PNPLA3: variants seen among roughly 807,000 people sequenced by gnomAD.
PNPLA3 encodes the protein patatin like domain 3, 1-acylglycerol-3-phosphate O-acyltransferase.
A neutral mutation model predicts 43.1 loss-of-function variants in PNPLA3; 42 were observed. The observed-to-expected ratio is 0.97, with a 90% confidence interval of 0.76 to 1.26. The LOEUF is 1.26. Ranked by LOEUF, PNPLA3 falls within the 50% of genes most tolerant of loss-of-function variation. The pLI, the probability that PNPLA3 is intolerant of heterozygous loss-of-function variation, is 0.00. For synonymous variants in PNPLA3, 272 were observed against 253.6 expected (o/e 1.07, Z -0.69); for missense variants, 647 against 621.4 (o/e 1.04, Z -0.44).
intron 2 of PNPLA3, among the ~76,000 whole-genome samples, chr22:43,927,976 A>G (rs1032893394): frequency 1.3e-5 from 2 of 152,202 alleles, no homozygotes; most frequent in African/African-American, 4.8e-5. Flanking sequence ...TCCTCTATGC[A>G]TCTTCCATAA....
intron 3 of PNPLA3, among the ~76,000 whole-genome samples, chr22:43,931,368 T>C (rs2049960661): frequency 6.6e-6 from 1 of 152,152 alleles, no homozygotes; most frequent in Non-Finnish European, 1.5e-5. Flanking sequence ...TATAAAAAAG[T>C]TCAAAATGCA....
chr22:43,933,816 C>T (rs116590254), intron 4 of PNPLA3, among the ~76,000 whole-genome samples: 221 of 152,312 alleles, frequency 1.5e-3, no homozygotes, highest in African/African-American at 5.1e-3. Context: ...ACCTTTGGTG[C>T]TCCTGGGGAG....
chr22:43,934,458 G>C, intron 4 of PNPLA3, 148 bp from the exon 5 acceptor site: 1 of 724,480 alleles, frequency 1.4e-6, no homozygotes, highest in Non-Finnish European at 2.4e-6. Context: ...AGAGCCCTTT[G>C]CTCAGCCCCC....
chr22:43,925,269 A>G (rs4823104), intron 1 of PNPLA3, among the ~76,000 whole-genome samples: 12,473 of 152,062 alleles, frequency 0.082, 611 homozygotes, highest in Middle Eastern at 0.16. Flanking sequence ...ATATTTGTCC[A>G]TGTGGGTACC....
intron 1 of PNPLA3, chr22:43,924,449 C>T (rs1040898636): frequency 7.6e-5 from 20 of 264,078 alleles, no homozygotes; most frequent in Non-Finnish European, 1.0e-4. Flanking sequence ...GGACCCGGGG[C>T]GGAGGGTAGT....
Position 43,926,933 on chromosome 22 carries a change from A to G in PNPLA3, c.188-2A>G. 5 of 1,613,606 alleles carry G rather than the reference A, an allele frequency of 3.1e-6. No individual in the cohort carries two copies. The highest frequency in any genetic ancestry group is 1.3e-5 in the African/African-American group (1 of 75,060). On this transcript the variant is annotated splice_acceptor_variant, in intron 1 of 8. Coordinates refer to ENST00000216180, the MANE Select transcript of PNPLA3 (RefSeq NM_025225.3). LOFTEE classifies it high-confidence loss of function. ...TTTCATGTATTTGTCTCCTGTCCCC[A>G]GAGCAGACTCTGCAGGTCCTCTCAG...
At chr22:43,924,388 AC>A (rs2049907806) in intron 1 of PNPLA3, 2 of 400,886 alleles carry the variant, frequency 5.0e-6, no homozygotes, top group Non-Finnish European at 8.9e-6. Context: ...GGAGACCCTC[AC>A]CTCCGGACTG....
intron 7 of PNPLA3, among the ~76,000 whole-genome samples, chr22:43,942,689 A>ATTTTCTT (rs1468733668): frequency 8.7e-6 from 1 of 115,240 alleles, no homozygotes; most frequent in Non-Finnish European, 1.8e-5. Context: ...CTTCCCTTCC[A>ATTTTCTT]TTTTCTTTTT....
At position 43,933,071 on chromosome 22, in the gene PNPLA3, T is replaced by C. The variant is rs534582582; in HGVS notation, c.680T>C (p.Val227Ala). ...CTCTACCTTCTCTCGAGAGCTTTTG[T>C]CCCCCCGGATCTCAAGGTGAGTTGG... Reference protein sequence around the residue: ...GNLYLLSRAFVPPDLKVLGEI... With the variant: ...GNLYLLSRAFAPPDLKVLGEI... The change falls in exon 4 of 9, where the codon GTC (valine) becomes GCC (alanine). Residue 227 changes from valine to alanine, a missense_variant. Val to Ala is a moderately conservative substitution (Grantham distance 64, BLOSUM62 0). Transcript: ENST00000216180. The C allele has an allele frequency of 1.2e-6, 2 of 1,613,570 alleles. No individual in the cohort carries two copies. Among genetic ancestry groups the C allele is most frequent in the South Asian group, 1.1e-5 (1 of 91,030 alleles).
At chr22:43,944,569 C>G in intron 7 of PNPLA3, 122 bp from the exon 8 acceptor site, 1 of 760,344 alleles carries the variant, frequency 1.3e-6, no homozygotes, top group Non-Finnish European at 2.3e-6. Flanking sequence ...CATCCCAGAT[C>G]CACCTTCTGG....
At chr22:43,936,952 C>T in intron 5 of PNPLA3, 99 bp from the exon 6 acceptor site, 1 of 946,082 alleles carries the variant, frequency 1.1e-6, no homozygotes, top group Non-Finnish European at 1.6e-6. Flanking sequence ...TGGCTAATAA[C>T]AGGCCAGCTG....
Position 43,936,020 on chromosome 22 carries a change from C to T in PNPLA3, c.758-1031C>T, listed in dbSNP as rs149815024. 7.2e-5 allele frequency among the ~76,000 whole-genome samples: 11 copies of T among 152,190 alleles called. No homozygotes were observed. The East Asian group carries it at 2.1e-3, about 29-fold the overall frequency. On this transcript the variant is annotated intron_variant, in intron 5 of 8. Coordinates refer to ENST00000216180, the MANE Select transcript of PNPLA3 (RefSeq NM_025225.3). ...CAGGGGAATAGGACTTGGAAATGAC[C>T]GATGGGACATTTGGGAAGAGGAAGA...
At chr22:43,931,602 G>T (rs967981169) in intron 3 of PNPLA3, among the ~76,000 whole-genome samples, 1 of 152,060 alleles carries the variant, frequency 6.6e-6, no homozygotes, top group South Asian at 2.1e-4. Context: ...TGCAACCCTC[G>T]GCTCCTGGGT....
chr22:43,944,367 A>T (rs1411785671), intron 7 of PNPLA3, among the ~76,000 whole-genome samples: 1 of 152,090 alleles, frequency 6.6e-6, no homozygotes, highest in African/African-American at 2.4e-5. Context: ...GAGGCAGGGG[A>T]TGGTCTTGAC....
intron 1 of PNPLA3, among the ~76,000 whole-genome samples, chr22:43,925,910 C>A (rs2049918924): frequency 6.6e-6 from 1 of 152,222 alleles, no homozygotes; most frequent in Non-Finnish European, 1.5e-5. Context: ...GGATTCCTTA[C>A]TGGGCAGAGG....
At chr22:43,945,154 A>G (rs564888966) in intron 8 of PNPLA3, among the ~76,000 whole-genome samples, 1 of 152,274 alleles carries the variant, frequency 6.6e-6, no homozygotes, top group African/African-American at 2.4e-5. Flanking sequence ...GGCGTGTCTG[A>G]GCGAAGGAGC....
At chr22:43,944,125 C>T (rs548714061) in intron 7 of PNPLA3, among the ~76,000 whole-genome samples, 16 of 152,220 alleles carry the variant, frequency 1.1e-4, no homozygotes, top group Admixed American at 6.5e-5. Context: ...CTTCAAAAGC[C>T]GGCTCCTTTC....
At chr22:43,936,614 G>A (rs147661295) in intron 5 of PNPLA3, among the ~76,000 whole-genome samples, 346 of 152,298 alleles carry the variant, frequency 2.3e-3, no homozygotes, top group Admixed American at 3.5e-3. Context: ...GCTATGTATT[G>A]GCTGCGTGGC....
rs1231951437 is a variant in PNPLA3, at chr22:43,940,033, C to T, written c.1020C>T (p.Ser340=). 1 of 1,614,088 alleles carries T rather than the reference C, an allele frequency of 6.2e-7. No homozygotes were observed. The highest frequency in any genetic ancestry group is 8.5e-7 in the Non-Finnish European group (1 of 1,179,962). Reference sequence around the variant, plus strand: ...TGAAAGACAAAGGTGGATACATGAGCAAGATTTGCAACTTGCTACCCATTA... The same window carrying T: ...TGAAAGACAAAGGTGGATACATGAGTAAGATTTGCAACTTGCTACCCATTA... ...EEMKDKGGYM[S]KICNLLPIRI... is the part of the protein sequence containing the mutation. The change falls in exon 7 of 9, where the codon AGC becomes AGT. Residue 340 remains serine, a synonymous_variant. Coordinates refer to ENST00000216180, the MANE Select transcript of PNPLA3 (RefSeq NM_025225.3).
Sources: allele counts gnomAD v4.1 joint callset (sites outside exome capture counted in the v4.1 genomes callset), GRCh38; gene constraint gnomAD v4.1.1; transcripts MANE v1.5; gene names NCBI Gene and HGNC (gene_info 2026-07-23, HGNC 2026-07-21).